EPG5: variants seen among roughly 807,000 people sequenced by gnomAD.
EPG5 encodes the protein ectopic P-granules 5 autophagy tethering factor.
Under a neutral mutation model 302.7 loss-of-function variants are expected in EPG5, and 159 were observed. The ratio of observed to expected loss-of-function variants is 0.53; its 90% CI spans 0.46 to 0.60. The LOEUF (loss-of-function observed/expected upper bound fraction) is 0.60, where lower values mean the gene tolerates loss of function less well. Ranked by LOEUF, EPG5 falls within the 20% of genes least tolerant of loss-of-function variation. The pLI is 0.00. For missense variants in EPG5, 2,896 were observed against 3,092.4 expected (o/e 0.94, Z 1.51); for synonymous variants, 1,158 against 1,136.8 (o/e 1.02, Z -0.37).
the EPG5 span, chr18:45,838,848 A>G: frequency 6.4e-7 from 1 of 1,572,930 alleles, no homozygotes; most frequent in African/African-American, 1.3e-5. Context: ...ACAGCTTGGC[A>G]GCCGTGCGGA....
At chr18:45,881,559 A>C (rs988533567) in intron 31 of EPG5, among the ~76,000 whole-genome samples, 17 of 152,358 alleles carry the variant, frequency 1.1e-4, no homozygotes, top group African/African-American at 4.1e-4. Context: ...TTCATTTGCT[A>C]TTATATCTAT....
chr18:45,933,669 CAA>C (rs34283302), intron 11 of EPG5, among the ~76,000 whole-genome samples: 1 of 135,228 alleles, frequency 7.4e-6, no homozygotes, highest in African/African-American at 2.9e-5. Flanking sequence ...TGCTCATTCT[CAA>C]AAAAAAAAAA....
chr18:45,875,879 A>AC (rs1384293346), intron 35 of EPG5, among the ~76,000 whole-genome samples: 1 of 151,998 alleles, frequency 6.6e-6, no homozygotes, highest in Non-Finnish European at 1.5e-5. Flanking sequence ...ACATGGTGAA[A>AC]CCCCGTCTCT....
At position 45,857,848 on chromosome 18, in the gene EPG5, C is replaced by G. The variant is rs1177839830; in HGVS notation, c.7442+5G>C. The G allele has an allele frequency of 6.2e-7, 1 of 1,611,524 alleles. No individual in the cohort carries two copies. Among genetic ancestry groups the G allele is most frequent in the Non-Finnish European group, 8.5e-7 (1 of 1,179,634 alleles). On this transcript the variant is annotated splice_donor_5th_base_variant and intron_variant, in intron 42 of 43. Transcript: ENST00000282041. ...AACAACAGTGTTAGAAAGGCGCTTC[C>G]TTACCTGTTAGACAAAGGCGACTTC...
intron 32 of EPG5, 126 bp from the exon 33 acceptor site, chr18:45,879,340 G>A: frequency 1.6e-6 from 1 of 644,184 alleles, no homozygotes; most frequent in Admixed American, 3.1e-5. Flanking sequence ...AAAATATAAA[G>A]CATATGAGAA....
At position 45,953,984 on chromosome 18, in the gene EPG5, C is replaced by T. The variant is rs1182223645; in HGVS notation, c.1008+410G>A. 3.2e-6 allele frequency: 3 copies of T among 943,276 alleles called. No individual in the cohort carries two copies. The African/African-American group carries it at 5.3e-5, about 17-fold the overall frequency. The allele number at this position is 943,276 out of a possible 1,614,324, so 58.4% of individuals were successfully genotyped here. On this transcript the variant is annotated intron_variant, in intron 2 of 43. Coordinates refer to ENST00000282041, the MANE Select transcript of EPG5 (RefSeq NM_020964.3). ...CCATGGGCTGAATTTCAGCTGGAGA[C>T]ATGATTTGCTTGGCCTACACTGTCT...
At chr18:45,912,703 T>G (rs1462231435) in intron 21 of EPG5, among the ~76,000 whole-genome samples, 2 of 152,160 alleles carry the variant, frequency 1.3e-5, no homozygotes, top group Non-Finnish European at 2.9e-5. Context: ...TGGGTATGGG[T>G]CTTAAGAGTC....
At chr18:45,878,041 T>C (rs2049010764) in intron 34 of EPG5, among the ~76,000 whole-genome samples, 1 of 152,202 alleles carries the variant, frequency 6.6e-6, no homozygotes, top group Non-Finnish European at 1.5e-5. Context: ...ACTGATGTAG[T>C]AGAGAAAAAT....
rs749666340 is a variant in EPG5 at position 45,879,004 on chromosome 18, G to A, written c.5869+9C>T. The stretch of plus-strand genomic sequence containing the variant: ...CACCTAGCTCCACATCGCATGAGAA[G>A]TATATTACCTGTTTTCCTGCTGGCA... On this transcript the variant is annotated intron_variant, in intron 33 of 43. Coordinates refer to ENST00000282041, the MANE Select transcript of EPG5 (RefSeq NM_020964.3). 2 of 1,611,888 alleles carry A rather than the reference G, an allele frequency of 1.2e-6. No individual in the cohort carries two copies. Among genetic ancestry groups the A allele is most frequent in the South Asian group, 2.2e-5 (2 of 90,994 alleles).
At chr18:45,862,047 G>C (rs1434422623) in intron 39 of EPG5, among the ~76,000 whole-genome samples, 3 of 151,996 alleles carry the variant, frequency 2.0e-5, no homozygotes, top group African/African-American at 7.3e-5. Flanking sequence ...TTCTGACAGT[G>C]GTTATCCTAT....
At position 45,917,786 on chromosome 18, in the gene EPG5, T is replaced by G. The variant is rs779942616; in HGVS notation, c.3132A>C (p.Leu1044=). Residue 1044 remains leucine (L), a synonymous_variant, in exon 17 of 44, where the codon CTA becomes CTC. Coordinates refer to ENST00000282041, the MANE Select transcript of EPG5 (RefSeq NM_020964.3). Reference sequence around the variant, plus strand: ...GTCTTGACTGGACCAGAATTCCCAATAGTGGGATGCCTTCTGCACAGAACT... The same window carrying G: ...GTCTTGACTGGACCAGAATTCCCAAGAGTGGGATGCCTTCTGCACAGAACT... ...IEKFCAEGIP[L]LGILVQSRHL... is the part of the protein sequence containing the mutation. 2 of 1,613,992 alleles carry G rather than the reference T, an allele frequency of 1.2e-6. No individual in the cohort carries two copies. Among genetic ancestry groups the G allele is most frequent in the Admixed American group, 1.7e-5 (1 of 60,016 alleles).
intron 1 of EPG5, among the ~76,000 whole-genome samples, chr18:45,961,481 C>T (rs1349985614): frequency 3.3e-5 from 5 of 152,138 alleles, no homozygotes; most frequent in Non-Finnish European, 7.3e-5. Flanking sequence ...CTGGCTAGTC[C>T]CTCTGCCTGA....
At chr18:45,865,921 C>T (rs2048737033) in intron 38 of EPG5, among the ~76,000 whole-genome samples, 162 bp from the exon 39 acceptor site, 1 of 152,130 alleles carries the variant, frequency 6.6e-6, no homozygotes, top group African/African-American at 2.4e-5. Context: ...GCCCAAGGGG[C>T]CTAGTGAAAG....
chr18:45,956,967 G>A (rs181507165), intron 1 of EPG5, among the ~76,000 whole-genome samples: 37 of 151,412 alleles, frequency 2.4e-4, no homozygotes, highest in African/African-American at 9.0e-4. Flanking sequence ...CAGGAAGTTA[G>A]GCTGAATAAA....
the EPG5 span, chr18:45,825,888 C>A: frequency 7.3e-7 from 1 of 1,360,714 alleles, no homozygotes; most frequent in Non-Finnish European, 1.0e-6. Flanking sequence ...GCAGAGCCTC[C>A]AGGCCTGTGG....
intron 4 of EPG5, among the ~76,000 whole-genome samples, chr18:45,950,443 G>A (rs1599640385): frequency 6.6e-6 from 1 of 152,092 alleles, no homozygotes; most frequent in Non-Finnish European, 1.5e-5. Context: ...TTTATCAGGG[G>A]TTTCTGCTCT....
intron 35 of EPG5, among the ~76,000 whole-genome samples, chr18:45,873,741 G>C (rs1221679887): frequency 6.6e-6 from 1 of 152,074 alleles, no homozygotes; most frequent in Non-Finnish European, 1.5e-5. Context: ...GGAGCAAAAA[G>C]AAGCAAAGAA....
At chr18:45,853,975 G>A (rs922518727) in intron 43 of EPG5, among the ~76,000 whole-genome samples, 5 of 152,150 alleles carry the variant, frequency 3.3e-5, no homozygotes, top group African/African-American at 1.2e-4. Context: ...CTGATGACAA[G>A]TATGTATGGG....
chr18:45,899,804 C>A (rs2049565450), intron 26 of EPG5, among the ~76,000 whole-genome samples: 1 of 152,122 alleles, frequency 6.6e-6, no homozygotes, highest in Non-Finnish European at 1.5e-5. Context: ...AACTTGATAG[C>A]CACAAACAAA....
Sources: allele counts gnomAD v4.1 joint callset (sites outside exome capture counted in the v4.1 genomes callset), GRCh38; gene constraint gnomAD v4.1.1; transcripts MANE v1.5; gene names NCBI Gene and HGNC (gene_info 2026-07-23, HGNC 2026-07-21).